Variants in SDK1 observed in about 807,000 individuals in gnomAD.
SDK1 encodes the protein protein sidekick-1.
A neutral mutation model predicts 245.5 loss-of-function variants in SDK1; 157 were observed. The observed-to-expected ratio is 0.64, with a 90% confidence interval of 0.56 to 0.73. The LOEUF (loss-of-function observed/expected upper bound fraction) is 0.73, where lower values mean the gene tolerates loss of function less well. SDK1 is among the 30% of genes least tolerant of loss of function. The pLI is 0.00. For synonymous variants in SDK1, 1,647 were observed against 1,278.5 expected (o/e 1.29, Z -6.15); for missense variants, 3,583 against 3,002.3 (o/e 1.19, Z -4.52).
At chr7:3,913,968 C>A (rs1779279065) in intron 5 of SDK1, among the ~76,000 whole-genome samples, 1 of 152,160 alleles carries the variant, frequency 6.6e-6, no homozygotes, top group African/African-American at 2.4e-5. Flanking sequence ...TCTGCTATAC[C>A]ATACTCCCTT....
At chr7:4,149,912 C>T (rs990751392) in intron 30 of SDK1, among the ~76,000 whole-genome samples, 3 of 152,134 alleles carry the variant, frequency 2.0e-5, no homozygotes, top group South Asian at 4.1e-4. Flanking sequence ...GATGGCACCA[C>T]GAGTACTGTG....
intron 2 of SDK1, among the ~76,000 whole-genome samples, chr7:3,630,708 C>G (rs772418621): frequency 1.9e-4 from 29 of 152,040 alleles, no homozygotes; most frequent in Non-Finnish European, 3.1e-4. Flanking sequence ...TCTGTAAGGT[C>G]TTTACACTGA....
intron 30 of SDK1, among the ~76,000 whole-genome samples, chr7:4,152,970 A>AG (rs1780483949): frequency 6.6e-6 from 1 of 152,162 alleles, no homozygotes; most frequent in African/African-American, 2.4e-5. Context: ...ACAGAAATGC[A>AG]GTAGAGAGGA....
At chr7:4,216,553 A>G (rs931849331) in intron 38 of SDK1, among the ~76,000 whole-genome samples, 1 of 152,244 alleles carries the variant, frequency 6.6e-6, no homozygotes, top group African/African-American at 2.4e-5. Context: ...TTGCTCATGG[A>G]GTCTGTGCGT....
At chr7:3,694,276 C>T (rs1479590094) in intron 4 of SDK1, among the ~76,000 whole-genome samples, 1 of 152,116 alleles carries the variant, frequency 6.6e-6, no homozygotes, top group Non-Finnish European at 1.5e-5. Flanking sequence ...AAGAGATGGC[C>T]ACCGGGAGGT....
At chr7:3,611,924 G>A (rs1002786571) in intron 1 of SDK1, among the ~76,000 whole-genome samples, 7 of 152,156 alleles carry the variant, frequency 4.6e-5, no homozygotes, top group Non-Finnish European at 1.0e-4. Context: ...GCTCTGAAAA[G>A]GAGTGAAATA....
At chr7:4,106,683 C>T (rs1738325888) in intron 22 of SDK1, among the ~76,000 whole-genome samples, 1 of 152,194 alleles carries the variant, frequency 6.6e-6, no homozygotes. Context: ...CCCGATGAGC[C>T]TGGCTGCCTC....
At chr7:3,587,512 G>A (rs1780728895) in intron 1 of SDK1, among the ~76,000 whole-genome samples, 1 of 152,144 alleles carries the variant, frequency 6.6e-6, no homozygotes, top group Non-Finnish European at 1.5e-5. Context: ...GGAGTGCCAA[G>A]TACAGGAGAA....
rs112215149 is a variant in SDK1, at chr7:4,174,436, G to A, written c.4936+79G>A. On this transcript the variant is annotated intron_variant, in intron 33 of 44. Coordinates refer to ENST00000404826, the MANE Select transcript of SDK1 (RefSeq NM_152744.4). ...TGGTATCTGCTCAGTGCACATCATG[G>A]TGGGAAACGCTGTGGAAGAGGCTGA... 2.6e-5 allele frequency: 38 copies of A among 1,458,254 alleles called. No individual in the cohort carries two copies. The African/African-American group carries it at 3.5e-4, about 13-fold the overall frequency. The allele number at this position is 1,458,254 out of a possible 1,614,324, so 90.3% of individuals were successfully genotyped here.
At chr7:3,678,983 T>C (rs994732567) in intron 4 of SDK1, among the ~76,000 whole-genome samples, 2 of 152,088 alleles carry the variant, frequency 1.3e-5, no homozygotes, top group Non-Finnish European at 2.9e-5. Context: ...AAATGTAAAA[T>C]GTAAGGTTAT....
chr7:4,010,045 C>G (rs779994129), intron 14 of SDK1, among the ~76,000 whole-genome samples: 15 of 152,224 alleles, frequency 9.9e-5, no homozygotes, highest in Non-Finnish European at 1.5e-4. Flanking sequence ...CTGACCATCT[C>G]TAATGTGGGT....
At chr7:4,239,345 G>A (rs1435401759) in intron 42 of SDK1, among the ~76,000 whole-genome samples, 1 of 152,184 alleles carries the variant, frequency 6.6e-6, no homozygotes, top group African/African-American at 2.4e-5. Flanking sequence ...CACCTCACAG[G>A]TGCTAAATGT....
At chr7:4,033,671 C>A (rs183946455) in intron 17 of SDK1, among the ~76,000 whole-genome samples, 1 of 152,184 alleles carries the variant, frequency 6.6e-6, no homozygotes. Context: ...CAAGAGTTCA[C>A]AGAAGTGCAA....
intron 35 of SDK1, among the ~76,000 whole-genome samples, chr7:4,201,544 C>T (rs541953042): frequency 6.6e-6 from 1 of 152,292 alleles, no homozygotes; most frequent in Admixed American, 6.5e-5. Context: ...TTGCTTTACC[C>T]AAACAGTCAG....
chr7:4,206,384 GC>G (rs1176665388), intron 36 of SDK1, among the ~76,000 whole-genome samples: 2 of 152,166 alleles, frequency 1.3e-5, no homozygotes, highest in Non-Finnish European at 2.9e-5. Context: ...AAGAGACCAG[GC>G]TCCCCATCCC....
intron 1 of SDK1, among the ~76,000 whole-genome samples, chr7:3,427,399 A>G (rs1338217562): frequency 6.6e-6 from 1 of 151,918 alleles, no homozygotes; most frequent in African/African-American, 2.4e-5. Flanking sequence ...GGCACCTGTA[A>G]ATCCAGCTAC....
At chr7:3,483,271 C>G (rs964155803) in intron 1 of SDK1, among the ~76,000 whole-genome samples, 1 of 152,036 alleles carries the variant, frequency 6.6e-6, no homozygotes, top group Admixed American at 6.5e-5. Flanking sequence ...TCTTTTATGT[C>G]CTTTAGTCAA....
intron 44 of SDK1, among the ~76,000 whole-genome samples, chr7:4,246,504 G>A (rs921507087): frequency 6.6e-6 from 1 of 152,134 alleles, no homozygotes; most frequent in African/African-American, 2.4e-5. Context: ...GTCTGATCCT[G>A]CAGGGCGGAT....
At chr7:3,722,537 C>A (rs959481631) in intron 4 of SDK1, among the ~76,000 whole-genome samples, 5 of 152,160 alleles carry the variant, frequency 3.3e-5, no homozygotes, top group Non-Finnish European at 5.9e-5. Context: ...AATCCTGTAT[C>A]TATGTCCCTG....
Sources: allele counts gnomAD v4.1 joint callset (sites outside exome capture counted in the v4.1 genomes callset), GRCh38; gene constraint gnomAD v4.1.1; transcripts MANE v1.5; gene names NCBI Gene and HGNC (gene_info 2026-07-23, HGNC 2026-07-21).